TTR: variants seen among roughly 807,000 people sequenced by gnomAD.
TTR encodes the protein epididymis luminal protein 111.
A neutral mutation model predicts 13.7 loss-of-function variants in TTR; 8 were observed. The observed-to-expected ratio is 0.58, with a 90% CI of 0.34 to 1.05. TTR has a LOEUF of 1.05. Ranked by LOEUF, TTR falls within the 50% of genes least tolerant of loss-of-function variation. TTR has a pLI of 0.02. For synonymous variants in TTR, 75 were observed against 71.7 expected, an observed-to-expected ratio of 1.05 and a Z score of -0.23; for missense variants, 135 against 185.5, an observed-to-expected ratio of 0.73 and a Z score of 1.58.
chr18:31,593,092 G>A, intron 2 of TTR, 66 bp downstream of exon 2: 2 of 1,606,726 alleles, frequency 1.2e-6, no homozygotes, highest in East Asian at 4.5e-5. Flanking sequence ...TCACTTGGTA[G>A]AGAGAGGCTC....
intron 2 of TTR, among the ~76,000 whole-genome samples, chr18:31,594,248 G>A (rs1195916818): frequency 1.3e-5 from 2 of 152,192 alleles, no homozygotes; most frequent in Non-Finnish European, 2.9e-5. Flanking sequence ...CAAATGGGAA[G>A]CAATTTCCAA....
At chr18:31,594,445 G>T (rs753550477) in intron 2 of TTR, among the ~76,000 whole-genome samples, 2 of 152,220 alleles carry the variant, frequency 1.3e-5, no homozygotes, top group Non-Finnish European at 2.9e-5. Context: ...ATGCCTCAAA[G>T]CTATCCTCAC....
chr18:31,595,951 C>G (rs2073514598), intron 3 of TTR: 1 of 163,808 alleles, frequency 6.1e-6, no homozygotes, highest in Non-Finnish European at 1.4e-5. Context: ...CAATTAAGGC[C>G]CAGGCTGGGT....
At position 31,595,160 on chromosome 18, in the gene TTR, G is replaced by A. The variant is rs121918086; in HGVS notation, c.241G>A (p.Glu81Lys). ...ESGELHGLTT[E>K]EEFVEGIYKV... ...TGGAGAGCTGCATGGGCTCACAACTGAGGAGGAATTTGTAGAAGGGATATA... is the reference window on the plus strand; with the variant it reads ...TGGAGAGCTGCATGGGCTCACAACTAAGGAGGAATTTGTAGAAGGGATATA... Residue 81 changes from glutamate to lysine, a missense_variant, in exon 3 of 4, where the codon GAG becomes AAG. Coordinates refer to ENST00000237014, the MANE Select transcript of TTR (RefSeq NM_000371.4). 1 of 1,614,172 alleles carries A rather than the reference G, an allele frequency of 6.2e-7. No individual in the cohort carries two copies. The highest frequency in any genetic ancestry group is 8.5e-7 in the Non-Finnish European group (1 of 1,180,026).
chr18:31,595,054 G>A, intron 2 of TTR, 66 bp from the exon 3 acceptor site: 12 of 1,564,364 alleles, frequency 7.7e-6, no homozygotes, highest in Non-Finnish European at 1.1e-5. Context: ...TGGTGGGGGT[G>A]TATTACTTTG....
intron 3 of TTR, chr18:31,597,227 T>G (rs2073521479): frequency 6.6e-6 from 1 of 152,150 alleles, no homozygotes; most frequent in Admixed American, 6.6e-5. Context: ...GTATTTTTTG[T>G]AAAGACAGGT....
intron 1 of TTR, 93 bp from the exon 2 acceptor site, chr18:31,592,803 C>T: frequency 6.4e-7 from 1 of 1,553,162 alleles, no homozygotes; most frequent in Non-Finnish European, 8.8e-7. Flanking sequence ...GTGTGTAATT[C>T]TTGTTTCGCT....
Position 31,592,919 on chromosome 18 carries a change from T to G in TTR, c.93T>G (p.Pro31=). The G allele has an allele frequency of 6.2e-7, 1 of 1,614,120 alleles. No individual in the cohort carries two copies. Among genetic ancestry groups the G allele is most frequent in the Non-Finnish European group, 8.5e-7 (1 of 1,179,954 alleles). The change falls in exon 2 of 4, where the codon CCT becomes CCG. Residue 31 remains proline, a synonymous_variant. Coordinates refer to ENST00000237014, the MANE Select transcript of TTR (RefSeq NM_000371.4). The stretch of plus-strand genomic sequence containing the variant: ...AGGGCACCGGTGAATCCAAGTGTCC[T>G]CTGATGGTCAAAGTTCTAGATGCTG... The part of the protein sequence containing the change: ...GPTGTGESKC[P]LMVKVLDAVR...
intron 3 of TTR, chr18:31,596,234 A>G (rs1448282981): frequency 6.5e-6 from 1 of 154,422 alleles, no homozygotes; most frequent in Non-Finnish European, 1.5e-5. Context: ...GCTCGGCATG[A>G]AAGGGAACTA....
chr18:31,592,725 A>T (rs1233649047), intron 1 of TTR, among the ~76,000 whole-genome samples, 171 bp from the exon 2 acceptor site: 1 of 152,214 alleles, frequency 6.6e-6, no homozygotes. Flanking sequence ...GGAAACAATT[A>T]CGTCTGTGTT....
At chr18:31,596,601 T>C (rs1038791492) in intron 3 of TTR, among the ~76,000 whole-genome samples, 1 of 152,066 alleles carries the variant, frequency 6.6e-6, no homozygotes, top group South Asian at 2.1e-4. Flanking sequence ...ACTGCCCACA[T>C]GTTGTTCTCT....
At chr18:31,594,478 T>A (rs192651697) in intron 2 of TTR, among the ~76,000 whole-genome samples, 24 of 152,294 alleles carry the variant, frequency 1.6e-4, no homozygotes, top group Non-Finnish European at 2.1e-4. Context: ...AGGAGCGAGA[T>A]CCTGCTGTCC....
chr18:31,595,330 A>C, intron 3 of TTR, 75 bp downstream of exon 3: 1 of 1,588,384 alleles, frequency 6.3e-7, no homozygotes, highest in East Asian at 2.2e-5. Context: ...GCACAGTTTT[A>C]CTCAGTGTAC....
chr18:31,598,480 CA>C (rs1482676949), intron 3 of TTR, 87 bp from the exon 4 acceptor site: 1 of 1,228,222 alleles, frequency 8.1e-7, no homozygotes, highest in East Asian at 2.4e-5. Flanking sequence ...ATTAAGTTGG[CA>C]CTGGACTTCC....
intron 2 of TTR, among the ~76,000 whole-genome samples, chr18:31,593,751 A>G (rs2073499904): frequency 1.3e-5 from 2 of 152,210 alleles, no homozygotes; most frequent in Non-Finnish European, 1.5e-5. Flanking sequence ...TAGCCAGTTC[A>G]CAATTTTCAT....
intron 2 of TTR, among the ~76,000 whole-genome samples, chr18:31,593,934 C>G (rs2073501454): frequency 6.6e-6 from 1 of 152,010 alleles, no homozygotes; most frequent in Non-Finnish European, 1.5e-5. Flanking sequence ...TTAATTGAAC[C>G]CCAAGAACCA....
chr18:31,591,920 G>T lies in TTR; in HGVS notation c.18G>T (p.Leu6=). 1 of 1,614,154 alleles carries T rather than the reference G, an allele frequency of 6.2e-7. No individual in the cohort carries two copies. ...TTGGCAGGATGGCTTCTCATCGTCT[G>T]CTCCTCCTCTGCCTTGCTGGACTGG... The part of the protein sequence containing the change: MASHR[L]LLLCLAGLVF... The change falls in exon 1 of 4, where the codon CTG becomes CTT. Residue 6 remains leucine (L), a synonymous_variant. Transcript: ENST00000237014.
At chr18:31,595,025 C>A in intron 2 of TTR, 95 bp from the exon 3 acceptor site, 1 of 1,333,170 alleles carries the variant, frequency 7.5e-7, no homozygotes, top group Non-Finnish European at 1.1e-6. Context: ...ATGTTTATAA[C>A]ATGTTTATGT....
chr18:31,592,344 G>A (rs571403203), intron 1 of TTR, among the ~76,000 whole-genome samples: 1 of 152,258 alleles, frequency 6.6e-6, no homozygotes, highest in African/African-American at 2.4e-5. Context: ...TTATATTCTG[G>A]CCCTATAGTT....
Sources: allele counts gnomAD v4.1 joint callset (sites outside exome capture counted in the v4.1 genomes callset), GRCh38; gene constraint gnomAD v4.1.1; transcripts MANE v1.5; gene names NCBI Gene and HGNC (gene_info 2026-07-23, HGNC 2026-07-21).